The following ASIC2 variants were observed in gnomAD, a reference collection of about 807,000 sequenced individuals.
ASIC2 encodes the protein acid sensing ion channel subunit 2, also known as acid-sensing ion channel 2.
In ASIC2, 25 loss-of-function variants were observed where a neutral mutation model predicts 57.3. The ratio of observed to expected loss-of-function variants is 0.44; its 90% CI spans 0.32 to 0.61. The LOEUF is 0.61. Ranked by LOEUF, ASIC2 falls within the 20% of genes least tolerant of loss-of-function variation. The pLI is 0.06. For missense variants in ASIC2, 641 were observed against 738.1 expected (o/e 0.87, Z 1.52); for synonymous variants, 319 against 307.5 (o/e 1.04, Z -0.39).
chr17:33,792,417 G>GA (rs1911800591), intron 1 of ASIC2: 1 of 152,208 alleles, frequency 6.6e-6, no homozygotes, highest in Admixed American at 6.5e-5. Flanking sequence ...GGGGGTGGTG[G>GA]AGGGGGGAGG....
At chr17:33,796,404 A>T (rs139548229) in intron 1 of ASIC2, among the ~76,000 whole-genome samples, 1 of 152,310 alleles carries the variant, frequency 6.6e-6, no homozygotes, top group East Asian at 1.9e-4. Context: ...CTAATTCTTA[A>T]CTTCCAAGGA....
chr17:33,678,006 G>T (rs1907880187), intron 1 of ASIC2, among the ~76,000 whole-genome samples: 1 of 152,128 alleles, frequency 6.6e-6, no homozygotes, highest in Admixed American at 6.5e-5. Flanking sequence ...GTTAAAGGAA[G>T]GGTCAGTCTA....
intron 1 of ASIC2, among the ~76,000 whole-genome samples, chr17:33,722,355 A>G (rs1173875684): frequency 6.6e-6 from 1 of 152,208 alleles, no homozygotes; most frequent in Non-Finnish European, 1.5e-5. Context: ...TTTATAAATT[A>G]CCCAGTCTCA....
chr17:33,739,114 A>G (rs1320873945), intron 1 of ASIC2, among the ~76,000 whole-genome samples: 1 of 152,228 alleles, frequency 6.6e-6, no homozygotes, highest in Non-Finnish European at 1.5e-5. Context: ...TCTAAGATGC[A>G]ATGCTCTATG....
intron 1 of ASIC2, among the ~76,000 whole-genome samples, chr17:33,597,600 T>TA (rs1905020703): frequency 6.6e-6 from 1 of 152,148 alleles, no homozygotes; most frequent in Non-Finnish European, 1.5e-5. Context: ...AAATAGATGA[T>TA]AATTCTATAT....
At chr17:33,431,394 C>T (rs1911412523) in intron 1 of ASIC2, among the ~76,000 whole-genome samples, 1 of 152,032 alleles carries the variant, frequency 6.6e-6, no homozygotes, top group Admixed American at 6.6e-5. Flanking sequence ...ATCACTTGAG[C>T]TCAGGAGTTT....
chr17:33,377,397 A>G (rs1449836924), intron 1 of ASIC2, among the ~76,000 whole-genome samples: 1 of 152,218 alleles, frequency 6.6e-6, no homozygotes, highest in African/African-American at 2.4e-5. Flanking sequence ...TACTTCTTAC[A>G]AGTGAAAGAC....
chr17:34,010,656 C>T (rs1906681576), intron 1 of ASIC2, among the ~76,000 whole-genome samples: 1 of 152,002 alleles, frequency 6.6e-6, no homozygotes, highest in South Asian at 2.1e-4. Flanking sequence ...CAGAAACAGA[C>T]ACCCACCCAC....
intron 1 of ASIC2, among the ~76,000 whole-genome samples, chr17:33,921,669 G>A (rs67501907): frequency 0.14 from 21,362 of 152,094 alleles, 1,603 homozygotes; most frequent in South Asian, 0.21. Context: ...AGTATTTAAG[G>A]AGGGAAAAAG....
intron 1 of ASIC2, among the ~76,000 whole-genome samples, chr17:33,790,681 C>T (rs1335470189): frequency 1.3e-5 from 2 of 152,090 alleles, no homozygotes; most frequent in Non-Finnish European, 2.9e-5. Flanking sequence ...TAATAAATCA[C>T]ACACATACAC....
chr17:33,884,308 T>A (rs895360535), intron 1 of ASIC2, among the ~76,000 whole-genome samples: 1 of 152,158 alleles, frequency 6.6e-6, no homozygotes, highest in Non-Finnish European at 1.5e-5. Flanking sequence ...TGGTGACAAC[T>A]CCTCCATGGC....
chr17:33,353,664 G>A (rs1908267352), intron 1 of ASIC2, among the ~76,000 whole-genome samples: 2 of 152,142 alleles, frequency 1.3e-5, no homozygotes, highest in South Asian at 4.1e-4. Flanking sequence ...TTAAGGCCCA[G>A]CCAAATGTCA....
At chr17:33,223,478 C>T (rs951064975) in intron 1 of ASIC2, among the ~76,000 whole-genome samples, 11 of 152,162 alleles carry the variant, frequency 7.2e-5, no homozygotes, top group African/African-American at 1.2e-4. Flanking sequence ...CCACCATGCC[C>T]GGCCCCCCTT....
intron 1 of ASIC2, among the ~76,000 whole-genome samples, chr17:33,888,350 C>T (rs1914879233): frequency 6.6e-6 from 1 of 152,078 alleles, no homozygotes; most frequent in East Asian, 1.9e-4. Context: ...GCTCACATGG[C>T]TGGAATATGA....
chr17:34,046,780 TTTGA>T (rs2142050096), intron 1 of ASIC2, among the ~76,000 whole-genome samples: 2 of 152,330 alleles, frequency 1.3e-5, no homozygotes, highest in East Asian at 3.9e-4. Context: ...TTTTGTTGTC[TTTGA>T]TTGTAAAAGA....
intron 1 of ASIC2, among the ~76,000 whole-genome samples, chr17:33,216,944 G>C (rs543444835): frequency 6.6e-6 from 1 of 152,264 alleles, no homozygotes; most frequent in African/African-American, 2.4e-5. Context: ...GAGGGAGGCA[G>C]TTGGGAGGGA....
At chr17:33,961,866 T>C (rs1408172924) in intron 1 of ASIC2, among the ~76,000 whole-genome samples, 1 of 152,136 alleles carries the variant, frequency 6.6e-6, no homozygotes, top group Non-Finnish European at 1.5e-5. Flanking sequence ...ATCTCCACTT[T>C]CCAAACTGTA....
chr17:33,283,689 T>G (rs1905046349), intron 1 of ASIC2, among the ~76,000 whole-genome samples: 1 of 152,202 alleles, frequency 6.6e-6, no homozygotes, highest in Non-Finnish European at 1.5e-5. Flanking sequence ...CTGGCTCTTC[T>G]TGTATTCCTG....
At chr17:33,225,477 A>AAG (rs1907843565) in intron 1 of ASIC2, among the ~76,000 whole-genome samples, 1 of 152,256 alleles carries the variant, frequency 6.6e-6, no homozygotes, top group Non-Finnish European at 1.5e-5. Flanking sequence ...AAGTTAGTAA[A>AAG]TGTGAGTAAT....
Sources: gnomAD v4.1 joint callset for allele counts (sites outside exome capture counted in the v4.1 genomes callset) on GRCh38, gnomAD v4.1.1 for gene constraint, MANE v1.5 for transcripts, NCBI Gene and HGNC (gene_info 2026-07-23, HGNC 2026-07-21) for gene names.